The following NEK1 variants were observed in gnomAD, a reference collection of about 807,000 sequenced individuals.
NEK1 encodes NIMA related kinase 1.
NEK1 carries 137 observed loss-of-function variants against 182.1 expected under a neutral mutation model. The observed-to-expected ratio is 0.75, with a 90% CI of 0.65 to 0.87. NEK1 has a LOEUF of 0.87. Among genes scored for constraint, NEK1 ranks in the 40% least tolerant of loss-of-function variants. NEK1 has a pLI of 0.00. For synonymous variants in NEK1, 513 were observed against 492.2 expected, an observed-to-expected ratio of 1.04 and a Z score of -0.56; for missense variants, 1,391 against 1,494.4, an observed-to-expected ratio of 0.93 and a Z score of 1.14.
chr4:169,598,136 T>C (rs1769873008), intron 5 of NEK1, among the ~76,000 whole-genome samples: 1 of 152,138 alleles, frequency 6.6e-6, no homozygotes, highest in African/African-American at 2.4e-5. Flanking sequence ...AATACTTTTA[T>C]AATTCAAGTG....
Position 169,608,616 on chromosome 4 carries a change from C to A in NEK1, c.-49+3404G>T, listed in dbSNP as rs148302840. ...TATTACAACGATCTCATTTTTCTAA[C>A]AAATAAAAAACTCGTACATATTTAT... On this transcript the variant is annotated intron_variant, in intron 2 of 35. Coordinates refer to ENST00000507142, the MANE Select transcript of NEK1 (RefSeq NM_001199397.3). Among the ~76,000 whole-genome samples the A allele has an allele frequency of 6.7e-4, 102 of 152,080 alleles. 1 individual carries two copies. The East Asian group carries it at 0.019, about 28-fold the overall frequency.
intron 16 of NEK1, 95 bp downstream of exon 16, chr4:169,561,385 G>T: frequency 9.4e-7 from 1 of 1,068,976 alleles, no homozygotes; most frequent in Non-Finnish European, 1.4e-6. Flanking sequence ...GTACACTAAA[G>T]AAAGAAAGAA....
intron 31 of NEK1, among the ~76,000 whole-genome samples, chr4:169,415,610 C>T (rs1734412767): frequency 1.3e-5 from 2 of 152,102 alleles, no homozygotes. Flanking sequence ...ATCAATTCTT[C>T]TGGTCTGAAG....
At chr4:169,431,042 T>C (rs1737333857) in intron 29 of NEK1, among the ~76,000 whole-genome samples, 1 of 152,040 alleles carries the variant, frequency 6.6e-6, no homozygotes, top group African/African-American at 2.4e-5. Flanking sequence ...ATATCAAAGA[T>C]ATAGCATACT....
intron 4 of NEK1, among the ~76,000 whole-genome samples, chr4:169,601,213 A>T (rs1190037639): frequency 1.3e-5 from 2 of 152,220 alleles, no homozygotes; most frequent in African/African-American, 4.8e-5. Flanking sequence ...CTGGGAATGT[A>T]GTAACTTTAG....
At chr4:169,546,861 C>T (rs552693459) in intron 18 of NEK1, among the ~76,000 whole-genome samples, 278 of 152,248 alleles carry the variant, frequency 1.8e-3, no homozygotes, top group African/African-American at 6.6e-3. Flanking sequence ...TTTGAGCCTA[C>T]ACGTGTCTTT....
intron 35 of NEK1, among the ~76,000 whole-genome samples, chr4:169,396,273 G>A (rs904886256): frequency 7.1e-6 from 1 of 141,314 alleles, no homozygotes; most frequent in African/African-American, 2.6e-5. Flanking sequence ...GGGTGAGACA[G>A]GAGAATTGCT....
intron 2 of NEK1, among the ~76,000 whole-genome samples, chr4:169,608,690 A>C (rs1442012665): frequency 6.6e-6 from 1 of 152,226 alleles, no homozygotes; most frequent in Non-Finnish European, 1.5e-5. Flanking sequence ...AAAGGATATG[A>C]AGTTAAACGT....
intron 5 of NEK1, among the ~76,000 whole-genome samples, chr4:169,595,112 C>T (rs1411149182): frequency 5.9e-5 from 9 of 152,026 alleles, no homozygotes; most frequent in Middle Eastern, 3.2e-3. Flanking sequence ...AAGTTTCTGA[C>T]CTAACATTGC....
At chr4:169,415,010 A>G (rs1321844435) in intron 31 of NEK1, among the ~76,000 whole-genome samples, 1 of 152,214 alleles carries the variant, frequency 6.6e-6, no homozygotes. Flanking sequence ...TCACCGCCTC[A>G]TTGGATTTCA....
intron 23 of NEK1, 59 bp from the exon 24 acceptor site, chr4:169,479,593 A>G: frequency 1.5e-6 from 2 of 1,363,110 alleles, no homozygotes; most frequent in Non-Finnish European, 2.0e-6. Context: ...GAAGAAATAA[A>G]ATGGTACCTA....
intron 5 of NEK1, among the ~76,000 whole-genome samples, chr4:169,592,698 TA>T (rs56303055): frequency 0.53 from 77,454 of 146,792 alleles, 21,156 homozygotes; most frequent in East Asian, 0.76. Context: ...CAATTTTCTT[TA>T]AAAAAAAAAA....
At chr4:169,412,099 C>A (rs1256741340) in intron 31 of NEK1, among the ~76,000 whole-genome samples, 3 of 152,200 alleles carry the variant, frequency 2.0e-5, no homozygotes, top group Non-Finnish European at 4.4e-5. Context: ...CTACTGTTAA[C>A]TCTAGCATTT....
At chr4:169,529,550 T>A (rs1047226666) in intron 19 of NEK1, among the ~76,000 whole-genome samples, 12 of 152,144 alleles carry the variant, frequency 7.9e-5, no homozygotes, top group Non-Finnish European at 1.3e-4. Context: ...ACGAAAAGCA[T>A]GATCCAAACA....
chr4:169,563,230 C>T (rs1191592259), intron 12 of NEK1, among the ~76,000 whole-genome samples: 6 of 151,736 alleles, frequency 4.0e-5, no homozygotes, highest in Non-Finnish European at 7.4e-5. Context: ...GGCATGTGGC[C>T]CACACCTGTT....
intron 27 of NEK1, among the ~76,000 whole-genome samples, chr4:169,448,890 T>C (rs1253068691): frequency 6.6e-6 from 1 of 152,198 alleles, no homozygotes; most frequent in Non-Finnish European, 1.5e-5. Context: ...TCGGGGGATT[T>C]CCCTTTCCTA....
rs1757181803 is a variant in NEK1 at position 169,528,276 on chromosome 4, T to C, written c.1665+9533A>G. Among the ~76,000 whole-genome samples the C allele has an allele frequency of 2.6e-5, 4 of 152,272 alleles. No homozygotes were observed. In the South Asian group the frequency reaches 8.3e-4, roughly 32 times the overall value. ...CTTGCTAGCATACACCCTCCACAGG[T>C]TGCCTTTGCTTGATAAAGCAAGCAG... On this transcript the variant is annotated intron_variant, in intron 19 of 35. Coordinates refer to ENST00000507142, the MANE Select transcript of NEK1 (RefSeq NM_001199397.3).
intron 23 of NEK1, among the ~76,000 whole-genome samples, chr4:169,504,269 T>C (rs757027852): frequency 1.3e-5 from 2 of 152,164 alleles, no homozygotes; most frequent in African/African-American, 2.4e-5. Flanking sequence ...CTTACACTCG[T>C]ACACTGTTGG....
intron 23 of NEK1, among the ~76,000 whole-genome samples, chr4:169,500,812 T>G (rs996431266): frequency 2.0e-5 from 3 of 152,232 alleles, no homozygotes; most frequent in South Asian, 2.1e-4. Context: ...CAAAAGTACA[T>G]GTAAGTTCAA....
Sources: allele counts gnomAD v4.1 joint callset (sites outside exome capture counted in the v4.1 genomes callset), GRCh38; gene constraint gnomAD v4.1.1; transcripts MANE v1.5; gene names NCBI Gene and HGNC (gene_info 2026-07-23, HGNC 2026-07-21).